NLRP9: variants seen among roughly 807,000 people sequenced by gnomAD.
The protein encoded by NLRP9 is NACHT, LRR and PYD domains-containing protein 9.
NLRP9 carries 88 observed loss-of-function variants against 83.1 expected under a neutral mutation model. The ratio of observed to expected loss-of-function variants is 1.06; its 90% CI spans 0.89 to 1.26. The LOEUF (loss-of-function observed/expected upper bound fraction) is 1.26, where lower values mean the gene tolerates loss of function less well. NLRP9 is among the 50% of genes most tolerant of loss of function. The pLI, the probability that NLRP9 is intolerant of heterozygous loss-of-function variation, is 0.00. For missense variants in NLRP9, 1,308 were observed against 1,179.3 expected (o/e 1.11, Z -1.60); for synonymous variants, 521 against 447.6 (o/e 1.16, Z -2.07).
In NLRP9 at chr19:55,728,596, AAAAC is replaced by A. The variant is rs1043361710; in HGVS notation, c.1994+1231_1994+1234del. On this transcript the variant is annotated intron_variant, in intron 3 of 8. Transcript: ENST00000332836. ...TCAAAGCAACAACAACAACAAAACA[AAAAC>A]AAACAAACAAAAAAGACATCAGCCA... Among the ~76,000 whole-genome samples the A allele has an allele frequency of 1.6e-4, 25 of 152,280 alleles. 2 individuals are homozygous for A. Among genetic ancestry groups the A allele is most frequent in the African/African-American group, 5.1e-4 (21 of 41,558 alleles).
intron 5 of NLRP9, among the ~76,000 whole-genome samples, chr19:55,715,660 G>A (rs184505368): frequency 1.5e-4 from 23 of 152,230 alleles, no homozygotes; most frequent in African/African-American, 5.3e-4. Flanking sequence ...CTTCAGCCTG[G>A]GCAACAAGAG....
chr19:55,712,103 C>T (rs896023063), intron 7 of NLRP9, 133 bp from the exon 8 acceptor site: 7 of 879,796 alleles, frequency 8.0e-6, no homozygotes, highest in African/African-American at 6.7e-5. Flanking sequence ...TCAGCCAGGA[C>T]GATTGTGCTC....
chr19:55,734,338 T>C (rs1007883275), intron 1 of NLRP9, among the ~76,000 whole-genome samples: 3 of 117,116 alleles, frequency 2.6e-5, no homozygotes, highest in Admixed American at 2.5e-4. Flanking sequence ...CACTCAAGCC[T>C]GGGCAACAGC....
Position 55,738,136 on chromosome 19 carries a change from TTGA to T in NLRP9, c.236_238del (p.Ile79del). ...AGCCTTTGTCCAGAGATCTTTCCTA[TTGA>T]TCTGTAGAAACAGGTTCAGTGTTAC... On this transcript the variant is annotated inframe_deletion, in exon 1 of 9. Transcript: ENST00000332836. The T allele has an allele frequency of 6.2e-7, 1 of 1,614,202 alleles. No homozygotes were observed. The highest frequency in any genetic ancestry group is 8.5e-7 in the Non-Finnish European group (1 of 1,180,022).
intron 3 of NLRP9, among the ~76,000 whole-genome samples, chr19:55,728,884 A>T (rs1043362206): frequency 6.6e-6 from 1 of 152,150 alleles, no homozygotes; most frequent in South Asian, 2.1e-4. Context: ...GCAAATCAAG[A>T]TAAGTAAAAT....
intron 4 of NLRP9, among the ~76,000 whole-genome samples, chr19:55,722,616 T>C (rs1251295697): frequency 6.6e-6 from 1 of 152,186 alleles, no homozygotes. Flanking sequence ...ATTTTATTTA[T>C]TGCTGCCTCA....
rs145139851 is a variant in NLRP9 at position 55,736,264 on chromosome 19, G to A, written c.280+1831C>T. 1.3e-4 allele frequency among the ~76,000 whole-genome samples: 20 copies of A among 152,018 alleles called. No homozygotes were observed. The East Asian group carries it at 2.9e-3, about 22-fold the overall frequency. On this transcript the variant is annotated intron_variant, in intron 1 of 8. Coordinates refer to ENST00000332836, the MANE Select transcript of NLRP9 (RefSeq NM_176820.4). ...AAATTATCTGGGCGTGGTGGCAGGC[G>A]CCTGTAGTCCCAGCTACCTGGGAGG... is the stretch of plus-strand genomic sequence containing the variant.
At chr19:55,714,743 T>A (rs911054801) in intron 6 of NLRP9, among the ~76,000 whole-genome samples, 2 of 152,080 alleles carry the variant, frequency 1.3e-5, no homozygotes, top group African/African-American at 4.8e-5. Flanking sequence ...TGCCAACAAA[T>A]TCAGTGTCTG....
In NLRP9 at chr19:55,733,576, G is replaced by A. The variant is rs373742721; in HGVS notation, c.281-26C>T. On this transcript the variant is annotated intron_variant, in intron 1 of 8. Coordinates refer to ENST00000332836, the MANE Select transcript of NLRP9 (RefSeq NM_176820.4). Reference sequence around the variant, plus strand: ...CTGTGTTAATGAGAACAGGATATAAGATAGGTAAAAATGCACTCATTCTTT... The same window carrying A: ...CTGTGTTAATGAGAACAGGATATAAAATAGGTAAAAATGCACTCATTCTTT... 36 of 1,313,490 alleles carry A rather than the reference G, an allele frequency of 2.7e-5. 1 individual carries two copies. Among genetic ancestry groups the A allele is most frequent in the African/African-American group, 1.6e-4 (11 of 67,836 alleles). 81.4% of individuals were successfully genotyped at this position (1,313,490 alleles called of 1,614,324 possible).
intron 4 of NLRP9, among the ~76,000 whole-genome samples, chr19:55,722,101 C>CG (rs1215394614): frequency 6.6e-6 from 1 of 151,800 alleles, no homozygotes; most frequent in East Asian, 1.9e-4. Flanking sequence ...GACAAAATTC[C>CG]CCCATTGAGA....
intron 3 of NLRP9, among the ~76,000 whole-genome samples, chr19:55,727,507 A>T (rs963141794): frequency 7.9e-5 from 12 of 152,192 alleles, no homozygotes; most frequent in African/African-American, 2.9e-4. Flanking sequence ...TTGCAAGACC[A>T]CTAACCACCT....
chr19:55,708,528 GAC>G lies in NLRP9; in HGVS notation c.*382_*383del, dbSNP rs1210157698. ...CTGGATGCTAGCAATACAATCTATA[GAC>G]ACATTCTAGCATCACTTCTGTGTCA... is the stretch of plus-strand genomic sequence containing the variant. On this transcript the variant is annotated 3_prime_UTR_variant, in exon 9 of 9. Transcript: ENST00000332836. 1 of 158,304 alleles carries G rather than the reference GAC, an allele frequency of 6.3e-6. No individual in the cohort carries two copies. Among genetic ancestry groups the G allele is most frequent in the African/African-American group, 2.4e-5 (1 of 41,696 alleles). 9.8% of individuals were successfully genotyped at this position (158,304 alleles called of 1,614,324 possible). A position where few individuals can be genotyped will look rare whatever the true frequency, so the allele number is the denominator to read the frequency against.
At chr19:55,726,071 C>T (rs1398451788) in intron 3 of NLRP9, among the ~76,000 whole-genome samples, 2 of 151,730 alleles carry the variant, frequency 1.3e-5, no homozygotes, top group African/African-American at 2.4e-5. Context: ...TCTGGAGACA[C>T]CTGTGAGAAT....
chr19:55,723,128 C>T (rs1364415082), intron 4 of NLRP9, among the ~76,000 whole-genome samples: 1 of 151,884 alleles, frequency 6.6e-6, no homozygotes, highest in Non-Finnish European at 1.5e-5. Context: ...ACATGTACTC[C>T]AGAACTTAAA....
intron 2 of NLRP9, 68 bp from the exon 3 acceptor site, chr19:55,730,060 C>A (rs1339046418): frequency 7.0e-7 from 1 of 1,432,900 alleles, no homozygotes; most frequent in South Asian, 1.2e-5. Context: ...CAAAACAGGT[C>A]GAACACCATT....
intron 5 of NLRP9, among the ~76,000 whole-genome samples, chr19:55,715,758 C>T (rs1248902530): frequency 6.7e-6 from 1 of 148,850 alleles, no homozygotes; most frequent in Non-Finnish European, 1.5e-5. Context: ...ATACAGTGTC[C>T]CAACAAACAA....
chr19:55,721,470 G>A (rs1469047472), intron 4 of NLRP9, among the ~76,000 whole-genome samples: 1 of 152,038 alleles, frequency 6.6e-6, no homozygotes, highest in Non-Finnish European at 1.5e-5. Context: ...GTTGGATTTA[G>A]GCAAATACCC....
At chr19:55,711,628 C>A in intron 8 of NLRP9, 172 bp downstream of exon 8, 1 of 872,684 alleles carries the variant, frequency 1.1e-6, no homozygotes, top group Non-Finnish European at 1.8e-6. Flanking sequence ...TGCTTGACAT[C>A]TTACAATGTC....
Position 55,711,787 on chromosome 19 carries a change from A to C in NLRP9, c.2843+13T>G. The C allele has an allele frequency of 6.2e-7, 1 of 1,611,342 alleles. No individual in the cohort carries two copies. Among genetic ancestry groups the C allele is most frequent in the Non-Finnish European group, 8.5e-7 (1 of 1,178,566 alleles). Reference sequence around the variant, plus strand: ...TGAAGTCACTCACCCCAAAGGAAACAGTGTCCACTCACCCCAGCATCTGCA... The same window carrying C: ...TGAAGTCACTCACCCCAAAGGAAACCGTGTCCACTCACCCCAGCATCTGCA... On this transcript the variant is annotated intron_variant, in intron 8 of 8. Transcript: ENST00000332836.
Sources: gnomAD v4.1 joint callset for allele counts (sites outside exome capture counted in the v4.1 genomes callset) on GRCh38, gnomAD v4.1.1 for gene constraint, MANE v1.5 for transcripts, NCBI Gene and HGNC (gene_info 2026-07-23, HGNC 2026-07-21) for gene names.